The following MTRR variants were observed in gnomAD, a reference collection of about 807,000 sequenced individuals.
MTRR encodes the protein methionine synthase reductase.
In MTRR, 63 loss-of-function variants were observed where a neutral mutation model predicts 79.2. The ratio of observed to expected loss-of-function variants is 0.80; its 90% CI spans 0.65 to 0.98. The LOEUF (loss-of-function observed/expected upper bound fraction) is 0.98, where lower values mean the gene tolerates loss of function less well. Among genes scored for constraint, MTRR ranks in the 50% least tolerant of loss-of-function variants. The pLI is 0.00. For synonymous variants in MTRR, 355 were observed against 313.3 expected, an observed-to-expected ratio of 1.13 and a Z score of -1.41; for missense variants, 895 against 839.6, an observed-to-expected ratio of 1.07 and a Z score of -0.82.
chr5:7,869,004 G>A (rs1050528981), upstream of MTRR: 3 of 1,052,812 alleles, frequency 2.8e-6, no homozygotes, highest in South Asian at 1.3e-5. Context: ...AATCACTCCG[G>A]GTGGTCGCGG....
Position 7,889,280 on chromosome 5 carries a change from G to A in MTRR, c.1327+5G>A, listed in dbSNP as rs983366516. ...CACCACTCAGTCTCCTGCTCGGTGA[G>A]TAGTCGCTTTCACAAGCACCTTGGT... is the stretch of plus-strand genomic sequence containing the variant. On this transcript the variant is annotated splice_donor_5th_base_variant and intron_variant, in intron 9 of 14. Transcript: ENST00000440940. 1.2e-6 allele frequency: 2 copies of A among 1,612,358 alleles called. No homozygotes were observed. The highest frequency in any genetic ancestry group is 1.1e-5 in the South Asian group (1 of 91,008).
At chr5:7,886,436 G>A in intron 7 of MTRR, 179 bp from the exon 8 acceptor site, 4 of 590,866 alleles carry the variant, frequency 6.8e-6, no homozygotes, top group Non-Finnish European at 1.2e-5. Flanking sequence ...TTTGTAAGGT[G>A]GAGTTTTTTA....
At chr5:7,853,132 C>T (rs1173810312) in intron 1 of MTRR, among the ~76,000 whole-genome samples, 1 of 152,136 alleles carries the variant, frequency 6.6e-6, no homozygotes, top group African/African-American at 2.4e-5. Flanking sequence ...GAATTGTAAT[C>T]CCCATAATCC....
chr5:7,853,497 A>C (rs1169976409), intron 1 of MTRR, among the ~76,000 whole-genome samples: 1 of 152,190 alleles, frequency 6.6e-6, no homozygotes, highest in African/African-American at 2.4e-5. Context: ...TAGGAAGTCA[A>C]ATATTTGAGT....
At chr5:7,872,504 C>T (rs1748166840) in intron 2 of MTRR, among the ~76,000 whole-genome samples, 1 of 152,174 alleles carries the variant, frequency 6.6e-6, no homozygotes, top group Non-Finnish European at 1.5e-5. Context: ...TTGTAGCTCG[C>T]TTATAGCTAA....
At chr5:7,863,045 A>G in intron 2 of MTRR, 1 of 1,507,776 alleles carries the variant, frequency 6.6e-7, no homozygotes, top group Middle Eastern at 1.7e-4. Context: ...AAGATATAAC[A>G]ACAGAGAATA....
At chr5:7,878,355 A>G (rs768037092) in intron 5 of MTRR, 33 bp downstream of exon 5, 9 of 1,610,226 alleles carry the variant, frequency 5.6e-6, no homozygotes, top group East Asian at 4.5e-5. Flanking sequence ...TATAGATGCT[A>G]TTTAATCATG....
upstream of MTRR, among the ~76,000 whole-genome samples, chr5:7,866,468 A>C (rs566681368): frequency 2.6e-5 from 4 of 152,300 alleles, no homozygotes; most frequent in African/African-American, 9.6e-5. Context: ...TTCCCTCTAC[A>C]TGATTTCCTA....
chr5:7,894,122 T>G (rs1482979469), intron 11 of MTRR, among the ~76,000 whole-genome samples: 1 of 152,204 alleles, frequency 6.6e-6, no homozygotes, highest in African/African-American at 2.4e-5. Flanking sequence ...CTCTTCGTCC[T>G]TCCTTCCCCA....
intron 5 of MTRR, among the ~76,000 whole-genome samples, chr5:7,880,920 C>G (rs541305138): frequency 1.1e-4 from 16 of 152,086 alleles, no homozygotes; most frequent in South Asian, 6.2e-4. Context: ...TGCACATTCC[C>G]CTTAGCCCAG....
At chr5:7,859,674 C>G (rs1319359578) in intron 1 of MTRR, 1 of 553,450 alleles carries the variant, frequency 1.8e-6, no homozygotes, top group Non-Finnish European at 3.2e-6. Flanking sequence ...ATATCCCAAC[C>G]AGCTTCTTCA....
At chr5:7,857,564 A>C (rs1027066465) in intron 1 of MTRR, among the ~76,000 whole-genome samples, 1 of 152,166 alleles carries the variant, frequency 6.6e-6, no homozygotes, top group African/African-American at 2.4e-5. Flanking sequence ...CTTCCTTCTA[A>C]AACTCAGCTT....
intron 12 of MTRR, chr5:7,896,528 C>G: frequency 2.8e-6 from 1 of 356,078 alleles, no homozygotes; most frequent in Non-Finnish European, 5.3e-6. Context: ...CCCTGAGCCA[C>G]TTTTCCATAG....
chr5:7,880,768 G>A (rs1450607972), intron 5 of MTRR, among the ~76,000 whole-genome samples: 5 of 152,164 alleles, frequency 3.3e-5, no homozygotes, highest in African/African-American at 9.7e-5. Flanking sequence ...GCTGCTGAGT[G>A]GCCACTGGAG....
At chr5:7,897,345 G>T (rs1210140508) in intron 14 of MTRR, 98 bp downstream of exon 14, 1 of 1,209,924 alleles carries the variant, frequency 8.3e-7, no homozygotes, top group East Asian at 2.3e-5. Context: ...AGATATGTAG[G>T]GATAAGACAT....
intron 1 of MTRR, chr5:7,870,241 A>G: frequency 4.7e-6 from 1 of 211,160 alleles, no homozygotes; most frequent in Non-Finnish European, 8.8e-6. Flanking sequence ...CTTTAGTACT[A>G]TGATTAGTTT....
chr5:7,895,469 C>A (rs1040178277), intron 11 of MTRR, among the ~76,000 whole-genome samples: 1 of 152,156 alleles, frequency 6.6e-6, no homozygotes, highest in African/African-American at 2.4e-5. Context: ...ATTTGATTAT[C>A]TATTTAGAGT....
chr5:7,874,010 G>A (rs1380207380), intron 3 of MTRR, among the ~76,000 whole-genome samples: 3 of 152,054 alleles, frequency 2.0e-5, no homozygotes, highest in African/African-American at 7.2e-5. Context: ...ATATGACTTA[G>A]GCCCACCTCC....
At chr5:7,867,925 G>A (rs1255210009), upstream of MTRR, 8 of 1,613,964 alleles carry the variant, frequency 5.0e-6, no homozygotes, top group South Asian at 1.1e-5. Flanking sequence ...ATTTGACCCC[G>A]AAAGGCTCAG....
Sources: allele counts gnomAD v4.1 joint callset (sites outside exome capture counted in the v4.1 genomes callset), GRCh38; gene constraint gnomAD v4.1.1; transcripts MANE v1.5; gene names NCBI Gene and HGNC (gene_info 2026-07-23, HGNC 2026-07-21).